ERC2: variants seen among roughly 807,000 people sequenced by gnomAD.
The protein encoded by ERC2 is ELKS/RAB6-interacting/CAST family member 2, also known as ERC protein 2.
In ERC2, 42 loss-of-function variants were observed where a neutral mutation model predicts 114.8. That is an observed-to-expected ratio of 0.37 (90% CI 0.29 to 0.47). The LOEUF is 0.47. Ranked by LOEUF, ERC2 falls within the 20% of genes least tolerant of loss-of-function variation. ERC2 has a pLI of 0.99. For missense variants in ERC2, 939 were observed against 1,150.7 expected, an observed-to-expected ratio of 0.82 and a Z score of 2.66; for synonymous variants, 454 against 425.5, an observed-to-expected ratio of 1.07 and a Z score of -0.82.
intron 2 of ERC2, among the ~76,000 whole-genome samples, chr3:56,410,537 A>T (rs1273869032): frequency 6.6e-6 from 1 of 152,226 alleles, no homozygotes; most frequent in Admixed American, 6.5e-5. Context: ...CAGTTTACAG[A>T]TGTGGAAACA....
Position 55,686,161 on chromosome 3 carries a change from C to T in ERC2, c.2848-2302G>A, listed in dbSNP as rs562481554. Among the ~76,000 whole-genome samples the T allele has an allele frequency of 7.9e-5, 12 of 152,176 alleles. No homozygotes were observed. The East Asian group carries it at 2.1e-3, about 27-fold the overall frequency. On this transcript the variant is annotated intron_variant, in intron 16 of 17. Coordinates refer to ENST00000288221, the MANE Select transcript of ERC2 (RefSeq NM_015576.3). The stretch of plus-strand genomic sequence containing the variant: ...CGTCCACCATAGGAATAAAAAGGGG[C>T]TCCCAGATGTCGAGGGTTATTAAAA...
intron 6 of ERC2, among the ~76,000 whole-genome samples, chr3:56,122,774 AGT>A (rs1485189702): frequency 3.3e-5 from 5 of 152,150 alleles, no homozygotes; most frequent in Non-Finnish European, 7.4e-5. Context: ...AATGCCCGTA[AGT>A]CTTATAATGC....
rs544286569 is a variant in ERC2 at position 55,982,208 on chromosome 3, G to A, written c.2267+3769C>T. Among the ~76,000 whole-genome samples, 6 of 152,258 alleles carry A rather than the reference G, an allele frequency of 3.9e-5. No individual in the cohort carries two copies. The South Asian group carries it at 1.2e-3, about 32-fold the overall frequency. On this transcript the variant is annotated intron_variant, in intron 12 of 17. Transcript: ENST00000288221. ...TGAACACCATATTCAGAAAACCGAGGATTGAACAGAACTGCACAGGTTTCC... is the reference window on the plus strand; with the variant it reads ...TGAACACCATATTCAGAAAACCGAGAATTGAACAGAACTGCACAGGTTTCC...
chr3:55,865,122 A>G (rs1489155637), intron 14 of ERC2, among the ~76,000 whole-genome samples: 1 of 152,156 alleles, frequency 6.6e-6, no homozygotes, highest in Non-Finnish European at 1.5e-5. Context: ...CCCTTTGTAT[A>G]TATCTAGGTT....
intron 13 of ERC2, among the ~76,000 whole-genome samples, chr3:55,944,160 T>C (rs1207798708): frequency 2.0e-5 from 3 of 152,224 alleles, no homozygotes; most frequent in Admixed American, 6.5e-5. Flanking sequence ...CATTTCAAAC[T>C]CTACCCCCAT....
chr3:56,417,402 A>G (rs577677197), intron 2 of ERC2, among the ~76,000 whole-genome samples: 3 of 152,280 alleles, frequency 2.0e-5, no homozygotes, highest in African/African-American at 7.2e-5. Context: ...TGCACAAGAA[A>G]AGCCTAGCTG....
At chr3:55,965,787 C>T (rs1276672652) in intron 12 of ERC2, among the ~76,000 whole-genome samples, 1 of 152,172 alleles carries the variant, frequency 6.6e-6, no homozygotes, top group Admixed American at 6.6e-5. Context: ...TTCCACTCTT[C>T]TTCTCGTAAC....
intron 17 of ERC2, among the ~76,000 whole-genome samples, chr3:55,568,235 G>A (rs1401134442): frequency 1.3e-5 from 2 of 152,122 alleles, no homozygotes; most frequent in Non-Finnish European, 2.9e-5. Flanking sequence ...GTGATGAGTG[G>A]TATGTGGGCA....
chr3:55,766,089 C>A (rs1011067387), intron 14 of ERC2, among the ~76,000 whole-genome samples: 4 of 152,242 alleles, frequency 2.6e-5, no homozygotes, highest in African/African-American at 9.6e-5. Flanking sequence ...TGTGAAGCTA[C>A]CAAGGCTGCC....
intron 6 of ERC2, among the ~76,000 whole-genome samples, chr3:56,136,476 G>C (rs28407987): frequency 0.029 from 4,334 of 151,482 alleles, 62 homozygotes; most frequent in Middle Eastern, 0.065. Flanking sequence ...TGGGTTTGTT[G>C]TATAGGTAAA....
At chr3:55,677,701 T>C (rs1449762991) in intron 17 of ERC2, among the ~76,000 whole-genome samples, 2 of 152,158 alleles carry the variant, frequency 1.3e-5, no homozygotes, top group African/African-American at 4.8e-5. Flanking sequence ...CACCCCACCA[T>C]AGATGAGGGT....
chr3:56,157,785 G>A (rs1368454119), intron 4 of ERC2, among the ~76,000 whole-genome samples: 7 of 151,972 alleles, frequency 4.6e-5, no homozygotes, highest in Non-Finnish European at 1.0e-4. Flanking sequence ...TGGAATTCAG[G>A]CCACCCCAAG....
At chr3:55,855,213 C>A (rs1328153368) in intron 14 of ERC2, among the ~76,000 whole-genome samples, 4 of 152,090 alleles carry the variant, frequency 2.6e-5, no homozygotes, top group African/African-American at 9.7e-5. Context: ...TAAACCATAC[C>A]AATATGACTG....
intron 17 of ERC2, among the ~76,000 whole-genome samples, chr3:55,637,532 G>A (rs2060008080): frequency 6.6e-6 from 1 of 152,046 alleles, no homozygotes; most frequent in African/African-American, 2.4e-5. Flanking sequence ...GGCTGACCGG[G>A]GTCTCCTCAA....
At chr3:56,296,489 A>T in intron 2 of ERC2, 54 bp from the exon 3 acceptor site, 1 of 1,531,640 alleles carries the variant, frequency 6.5e-7, no homozygotes, top group South Asian at 1.3e-5. Flanking sequence ...AAAGTCAATG[A>T]AAATGTCAAG....
At chr3:56,365,176 C>G (rs956790470) in intron 2 of ERC2, among the ~76,000 whole-genome samples, 1 of 152,184 alleles carries the variant, frequency 6.6e-6, no homozygotes, top group South Asian at 2.1e-4. Flanking sequence ...GATGTGAGTA[C>G]AGTCATGTGC....
chr3:56,140,015 A>C (rs1374933366), intron 5 of ERC2, among the ~76,000 whole-genome samples: 2 of 152,196 alleles, frequency 1.3e-5, no homozygotes, highest in African/African-American at 2.4e-5. Flanking sequence ...CATGGTCCTG[A>C]GGAGAGTCAA....
At chr3:55,606,317 T>C (rs2058639476) in intron 17 of ERC2, among the ~76,000 whole-genome samples, 1 of 152,196 alleles carries the variant, frequency 6.6e-6, no homozygotes, top group South Asian at 2.1e-4. Flanking sequence ...CATTCAGTAG[T>C]TACTCTGGAT....
rs184429816 is a variant in ERC2, at chr3:56,216,881, A to C, written c.1075-43361T>G. Among the ~76,000 whole-genome samples the C allele has an allele frequency of 1.4e-4, 21 of 152,326 alleles. No homozygotes were observed. In the East Asian group the frequency reaches 3.7e-3, roughly 27 times the overall value. On this transcript the variant is annotated intron_variant, in intron 3 of 17. Coordinates refer to ENST00000288221, the MANE Select transcript of ERC2 (RefSeq NM_015576.3). ...TAATCCAGCATATAAACAGAACCAAAGACAAAAACCACATGATTATCTCAA... is the reference window on the plus strand; with the variant it reads ...TAATCCAGCATATAAACAGAACCAACGACAAAAACCACATGATTATCTCAA...
Sources: gnomAD v4.1 joint callset for allele counts (sites outside exome capture counted in the v4.1 genomes callset) on GRCh38, gnomAD v4.1.1 for gene constraint, MANE v1.5 for transcripts, NCBI Gene and HGNC (gene_info 2026-07-23, HGNC 2026-07-21) for gene names.